Variants in CDYL observed in about 807,000 individuals in gnomAD.
CDYL encodes the protein chromodomain Y-like protein.
Under a neutral mutation model 47.3 loss-of-function variants are expected in CDYL, and 8 were observed. The ratio of observed to expected loss-of-function variants is 0.17; its 90% CI spans 0.10 to 0.31. CDYL has a LOEUF of 0.31. Among genes scored for constraint, CDYL ranks in the 10% least tolerant of loss-of-function variants. CDYL has a pLI of 1.00. For missense variants in CDYL, 471 were observed against 701.4 expected (o/e 0.67, Z 3.71); for synonymous variants, 266 against 265.0 (o/e 1.00, Z -0.04).
At chr6:4,796,609 G>T (rs1426381681) in intron 1 of CDYL, among the ~76,000 whole-genome samples, 2 of 152,084 alleles carry the variant, frequency 1.3e-5, no homozygotes, top group Non-Finnish European at 2.9e-5. Flanking sequence ...ATCGTTTATT[G>T]TATTAAGGTG....
At chr6:4,757,612 C>T (rs1179653670) in intron 3 of CDYL, among the ~76,000 whole-genome samples, 1 of 152,204 alleles carries the variant, frequency 6.6e-6, no homozygotes, top group Non-Finnish European at 1.5e-5. Flanking sequence ...GAATTCAACT[C>T]TATTAACTCT....
At chr6:4,940,990 T>G (rs140680115) in intron 4 of CDYL, among the ~76,000 whole-genome samples, 2 of 152,204 alleles carry the variant, frequency 1.3e-5, no homozygotes, top group East Asian at 1.9e-4. Flanking sequence ...AGTCCCTACA[T>G]CTTATGTGAT....
chr6:4,722,196 T>G (rs1037363369), intron 2 of CDYL, among the ~76,000 whole-genome samples: 2 of 152,128 alleles, frequency 1.3e-5, no homozygotes, highest in Non-Finnish European at 1.5e-5. Context: ...CCAGGCACAG[T>G]AGCTTATACC....
chr6:4,784,085 C>T (rs1193040470), intron 1 of CDYL, among the ~76,000 whole-genome samples: 6 of 152,138 alleles, frequency 3.9e-5, no homozygotes, highest in Non-Finnish European at 8.8e-5. Flanking sequence ...TTCCTTGGAT[C>T]TAAACTATAG....
Position 4,756,582 on chromosome 6 carries a change from G to GTGTGTGTC in CDYL, c.186+21745_186+21746insCTGTGTGT, listed in dbSNP as rs1265333902. ...TAGTAATTAAAATTATCGTGTGTAT[G>GTGTGTGTC]TGTGTGTGTGTGTGTGTGTGTGTGT... On this transcript the variant is annotated intron_variant, in intron 3 of 8. Coordinates refer to the CDYL transcript ENST00000328908. Among the ~76,000 whole-genome samples the GTGTGTGTC allele has an allele frequency of 5.8e-3, 783 of 135,370 alleles. 6 individuals are homozygous for GTGTGTGTC. Among genetic ancestry groups the GTGTGTGTC allele is most frequent in the African/African-American group, 0.019 (736 of 37,838 alleles). 88.8% of individuals were successfully genotyped at this position (135,370 alleles called of 152,430 possible). A position where few individuals can be genotyped will look rare whatever the true frequency, so the allele number is the denominator to read the frequency against.
chr6:4,910,155 C>G (rs773646286), intron 2 of CDYL, among the ~76,000 whole-genome samples: 1 of 152,052 alleles, frequency 6.6e-6, no homozygotes, highest in South Asian at 2.1e-4. Context: ...AGCCACAGTT[C>G]TAGTTGCATG....
At chr6:4,935,202 A>G (rs1427414779) in intron 2 of CDYL, among the ~76,000 whole-genome samples, 3 of 152,180 alleles carry the variant, frequency 2.0e-5, no homozygotes, top group Admixed American at 6.5e-5. Context: ...GATACTCTCC[A>G]TGAGACCCAT....
At chr6:4,802,046 T>C (rs62386576) in intron 1 of CDYL, among the ~76,000 whole-genome samples, 23,596 of 152,152 alleles carry the variant, frequency 0.16, 2,080 homozygotes, top group African/African-American at 0.24. Flanking sequence ...ATTCCAGATT[T>C]TGATATCTGG....
At chr6:4,825,532 T>C (rs977276117) in intron 1 of CDYL, among the ~76,000 whole-genome samples, 1 of 152,216 alleles carries the variant, frequency 6.6e-6, no homozygotes, top group Admixed American at 6.5e-5. Context: ...CCCAGTGTGT[T>C]GAATGTTTTA....
chr6:4,723,477 T>TA (rs1757412490), intron 2 of CDYL, among the ~76,000 whole-genome samples: 1 of 151,950 alleles, frequency 6.6e-6, no homozygotes, highest in Non-Finnish European at 1.5e-5. Context: ...TGGGCATAGT[T>TA]AGAGAAAACA....
At chr6:4,946,087 A>AC (rs1303760075) in intron 5 of CDYL, among the ~76,000 whole-genome samples, 1 of 152,040 alleles carries the variant, frequency 6.6e-6, no homozygotes, top group African/African-American at 2.4e-5. Context: ...CAGGCTGGAC[A>AC]CTCAGTAGCA....
intron 2 of CDYL, among the ~76,000 whole-genome samples, chr6:4,723,566 A>C (rs1329804608): frequency 6.6e-6 from 1 of 152,134 alleles, no homozygotes; most frequent in Non-Finnish European, 1.5e-5. Context: ...GTCCAACCTG[A>C]ACTCACCACG....
intron 1 of CDYL, among the ~76,000 whole-genome samples, chr6:4,787,765 CTTTTTTT>C (rs70974136): frequency 8.6e-5 from 6 of 69,412 alleles, no homozygotes; most frequent in South Asian, 6.6e-4. Context: ...AAATTCAAGT[CTTTTTTT>C]TTTTTTTTTT....
At position 4,776,818 on chromosome 6, in the gene CDYL, T is replaced by TC. The variant is rs1297998802; in HGVS notation, c.24+17dup. ...GAGGAGCTGTACGAGGTACCTCCCC[T>TC]CCCCCCGGCCTCGGGCCGCCCCCCG... On this transcript the variant is annotated intron_variant, in intron 1 of 6. Coordinates refer to ENST00000397588, the MANE Select transcript of CDYL (RefSeq NM_004824.4). 4 of 756,528 alleles carry TC rather than the reference T, an allele frequency of 5.3e-6. No individual in the cohort carries two copies. Among genetic ancestry groups the TC allele is most frequent in the African/African-American group, 3.1e-5 (1 of 32,332 alleles). The allele number at this position is 756,528 out of a possible 1,614,324, so 46.9% of individuals were successfully genotyped here.
intron 3 of CDYL, among the ~76,000 whole-genome samples, chr6:4,755,132 T>C (rs1356085381): frequency 3.3e-5 from 5 of 152,156 alleles, no homozygotes; most frequent in Admixed American, 6.5e-5. Flanking sequence ...CAATCTTGGC[T>C]CACTGCAACC....
chr6:4,880,018 C>G (rs1350659386), intron 1 of CDYL, among the ~76,000 whole-genome samples: 1 of 152,214 alleles, frequency 6.6e-6, no homozygotes, highest in Non-Finnish European at 1.5e-5. Context: ...ACAGCTGTTA[C>G]ACTTGATGCA....
Position 4,891,810 on chromosome 6 carries a change from C to T in CDYL, c.122C>T (p.Pro41Leu). 6.2e-7 allele frequency: 1 copy of T among 1,614,100 alleles called. No homozygotes were observed. Among genetic ancestry groups the T allele is most frequent in the Non-Finnish European group, 8.5e-7 (1 of 1,180,022 alleles). Residue 41 changes from proline to leucine, a missense_variant, in exon 2 of 7, where the codon CCG becomes CTG. Transcript: ENST00000397588. ...GACAGCGAGGACGACACTTGGGAGC[C>T]GGAACAGCACCTCGTGAACTGTGAG... The part of the protein sequence containing the change: ...GYDSEDDTWE[P>L]EQHLVNCEEY...
intron 1 of CDYL, among the ~76,000 whole-genome samples, chr6:4,795,037 G>A (rs1251218895): frequency 3.3e-5 from 5 of 151,532 alleles, no homozygotes; most frequent in Admixed American, 6.6e-5. Context: ...CAAGTACAAC[G>A]TTGAATGTAA....
chr6:4,880,733 G>T (rs1404552070), intron 1 of CDYL, among the ~76,000 whole-genome samples: 1 of 152,214 alleles, frequency 6.6e-6, no homozygotes, highest in Non-Finnish European at 1.5e-5. Context: ...TCCAATAGAT[G>T]TGTAGTGGTA....
Sources: gnomAD v4.1 joint callset for allele counts (sites outside exome capture counted in the v4.1 genomes callset) on GRCh38, gnomAD v4.1.1 for gene constraint, MANE v1.5 for transcripts, NCBI Gene and HGNC (gene_info 2026-07-23, HGNC 2026-07-21) for gene names.